Variants in SBF2 observed in about 807,000 individuals in gnomAD.
SBF2 encodes myotubularin-related protein 13.
SBF2 carries 112 observed loss-of-function variants against 225.2 expected under a neutral mutation model. The ratio of observed to expected loss-of-function variants is 0.50; its 90% CI spans 0.43 to 0.58. The LOEUF (loss-of-function observed/expected upper bound fraction) is 0.58. SBF2 is among the 20% of genes least tolerant of loss of function. The pLI, the probability that SBF2 is intolerant of heterozygous loss-of-function variation, is 0.00. For synonymous variants in SBF2, 763 were observed against 773.3 expected, an observed-to-expected ratio of 0.99 and a Z score of 0.22; for missense variants, 1,996 against 2,206.2, an observed-to-expected ratio of 0.90 and a Z score of 1.91.
At chr11:9,979,561 T>C (rs1946850429) in intron 13 of SBF2, among the ~76,000 whole-genome samples, 1 of 152,170 alleles carries the variant, frequency 6.6e-6, no homozygotes, top group Non-Finnish European at 1.5e-5. Context: ...AACACATTTA[T>C]TATATCAGGC....
intron 13 of SBF2, among the ~76,000 whole-genome samples, chr11:9,981,821 T>A (rs893732251): frequency 6.6e-6 from 1 of 152,248 alleles, no homozygotes; most frequent in Admixed American, 6.5e-5. Flanking sequence ...AATGTTACAT[T>A]TCTGTCTTCC....
At chr11:9,949,112 A>G (rs1865717010) in intron 16 of SBF2, among the ~76,000 whole-genome samples, 1 of 152,128 alleles carries the variant, frequency 6.6e-6, no homozygotes, top group Non-Finnish European at 1.5e-5. Flanking sequence ...AGAAGAAGGA[A>G]TGGGAGGGGG....
rs147819013 is a variant in SBF2, at chr11:10,107,582, T to C, written c.142-64601A>G. Among the ~76,000 whole-genome samples, 307 of 152,334 alleles carry C rather than the reference T, an allele frequency of 2.0e-3. 1 individual carries two copies. The highest frequency in any genetic ancestry group is 6.9e-3 in the African/African-American group (286 of 41,580). ...GTCCAAAATCAAAGTGTTGGCAGGA[T>C]TGGTTCATTCTGGAAGCTCTGAAGG... is the stretch of plus-strand genomic sequence containing the variant. On this transcript the variant is annotated intron_variant, in intron 2 of 39. Coordinates refer to ENST00000256190, the MANE Select transcript of SBF2 (RefSeq NM_030962.4).
chr11:10,059,604 C>A (rs1342396842), intron 2 of SBF2, among the ~76,000 whole-genome samples: 1 of 152,108 alleles, frequency 6.6e-6, no homozygotes, highest in Non-Finnish European at 1.5e-5. Flanking sequence ...ATGGCACATA[C>A]TCTAAAATTG....
chr11:10,092,959 C>T (rs905151087), intron 2 of SBF2, among the ~76,000 whole-genome samples: 11 of 151,830 alleles, frequency 7.2e-5, no homozygotes, highest in Non-Finnish European at 7.4e-5. Flanking sequence ...AAATAGAATA[C>T]ATTTACACTG....
chr11:9,819,780 T>G (rs189679022), intron 28 of SBF2, among the ~76,000 whole-genome samples: 2 of 152,334 alleles, frequency 1.3e-5, no homozygotes, highest in Admixed American at 1.3e-4. Context: ...CAGGAAACAA[T>G]GAAGCTCTAG....
chr11:9,899,833 A>T (rs1861578112), intron 16 of SBF2, among the ~76,000 whole-genome samples: 1 of 152,122 alleles, frequency 6.6e-6, no homozygotes, highest in African/African-American at 2.4e-5. Flanking sequence ...ATCAGATATA[A>T]CATATGAGGA....
At chr11:9,961,801 T>C in intron 16 of SBF2, 156 bp downstream of exon 16, 1 of 595,954 alleles carries the variant, frequency 1.7e-6, no homozygotes, top group Non-Finnish European at 2.8e-6. Flanking sequence ...TGCCAAGTAA[T>C]AAAAAAGTAT....
chr11:10,073,252 T>C (rs1950964999), intron 2 of SBF2, among the ~76,000 whole-genome samples: 1 of 152,174 alleles, frequency 6.6e-6, no homozygotes, highest in Middle Eastern at 3.2e-3. Flanking sequence ...TGAGTTATAG[T>C]TATGTGTTTC....
chr11:10,149,517 C>G lies in SBF2; in HGVS notation c.141+44385G>C, dbSNP rs561921239. 2.6e-5 allele frequency: 4 copies of G among 152,186 alleles called. No homozygotes were observed. The East Asian group carries it at 7.7e-4, about 29-fold the overall frequency. The allele number at this position is 152,186 out of a possible 1,614,324, so 9.4% of individuals were successfully genotyped here. A position where few individuals can be genotyped will look rare whatever the true frequency, so the allele number is the denominator to read the frequency against. On this transcript the variant is annotated intron_variant, in intron 2 of 39. Transcript: ENST00000256190. ...ACTACTAACAACTTCTTTTCTTAAA[C>G]CTTCAATCTTGGTAGAAACATGAAA...
At position 9,785,367 on chromosome 11, in the gene SBF2, T is replaced by TACTG. The variant is rs71453928; in HGVS notation, c.5038-53_5038-50dup. On this transcript the variant is annotated intron_variant, in intron 36 of 39. Transcript: ENST00000256190. ...AGGAAACCTTTACAGACACTTAAAC[T>TACTG]ACTGACTGGAAAATTTCATTTACAA... 0.48 allele frequency: 662,176 copies of TACTG among 1,392,152 alleles called. 164,707 individuals are homozygous for TACTG. The highest frequency in any genetic ancestry group is 0.55 in the Admixed American group (32,739 of 59,138). The allele number at this position is 1,392,152 out of a possible 1,614,324, so 86.2% of individuals were successfully genotyped here.
At chr11:9,990,842 G>C (rs1947403675) in intron 12 of SBF2, among the ~76,000 whole-genome samples, 1 of 152,200 alleles carries the variant, frequency 6.6e-6, no homozygotes. Context: ...CTTTGGGAGA[G>C]TTTGGAAGAG....
chr11:9,835,631 CAAAAAAAAA>C (rs58436467), intron 26 of SBF2, among the ~76,000 whole-genome samples: 1 of 62,132 alleles, frequency 1.6e-5, no homozygotes, highest in African/African-American at 6.5e-5. Flanking sequence ...GACCTTGTCT[CAAAAAAAAA>C]AAAAAAAGAT....
At chr11:9,799,840 T>C (rs900945977) in intron 32 of SBF2, among the ~76,000 whole-genome samples, 2 of 152,222 alleles carry the variant, frequency 1.3e-5, no homozygotes, top group Non-Finnish European at 2.9e-5. Context: ...ACCTAGACTC[T>C]TGTGATTTTA....
chr11:9,943,544 A>G (rs1590557397), intron 16 of SBF2, among the ~76,000 whole-genome samples: 1 of 152,272 alleles, frequency 6.6e-6, no homozygotes, highest in Non-Finnish European at 1.5e-5. Context: ...AAAAAAAGAA[A>G]CAATGCGAAA....
intron 9 of SBF2, among the ~76,000 whole-genome samples, chr11:9,997,777 CA>C (rs768143171): frequency 6.7e-6 from 1 of 150,008 alleles, no homozygotes; most frequent in African/African-American, 2.5e-5. Context: ...GACTCCGTCT[CA>C]AAAAAAAAGA....
chr11:10,121,610 AGACT>A (rs942247221), intron 2 of SBF2, among the ~76,000 whole-genome samples: 7 of 152,324 alleles, frequency 4.6e-5, no homozygotes, highest in Non-Finnish European at 1.0e-4. Flanking sequence ...ATTTCACCTA[AGACT>A]GACAATTTTT....
chr11:10,140,711 T>A (rs904579405), intron 2 of SBF2, among the ~76,000 whole-genome samples: 1 of 152,148 alleles, frequency 6.6e-6, no homozygotes, highest in African/African-American at 2.4e-5. Flanking sequence ...AGGTGACAGT[T>A]TGGACTTGAG....
rs181568733 is a variant in SBF2 at position 9,902,148 on chromosome 11, C to T, written c.1861-6137G>A. 2.0e-5 allele frequency among the ~76,000 whole-genome samples: 3 copies of T among 152,292 alleles called. No homozygotes were observed. In the East Asian group the frequency reaches 5.8e-4, roughly 29 times the overall value. ...AGGCCTTCCCTTTCTAGGACTTTCT[C>T]AGCTGTGGGAGAGATTAGCTGGGAG... On this transcript the variant is annotated intron_variant, in intron 16 of 39. Transcript: ENST00000256190.
Sources: allele counts gnomAD v4.1 joint callset (sites outside exome capture counted in the v4.1 genomes callset), GRCh38; gene constraint gnomAD v4.1.1; transcripts MANE v1.5; gene names NCBI Gene and HGNC (gene_info 2026-07-23, HGNC 2026-07-21).